EGFR: variants seen among roughly 807,000 people sequenced by gnomAD.
The protein encoded by EGFR is epidermal growth factor receptor, also known as avian erythroblastic leukemia viral (v-erb-b) oncogene homolog.
A neutral mutation model predicts 143.0 loss-of-function variants in EGFR; 58 were observed. That is an observed-to-expected ratio of 0.41 (90% CI 0.33 to 0.50). The LOEUF is 0.50. EGFR is among the 20% of genes least tolerant of loss of function. The probability of loss-of-function intolerance (pLI) is 0.39; values close to 1 mark genes in which losing one functional copy is unlikely to be tolerated. For synonymous variants in EGFR, 613 were observed against 594.4 expected (o/e 1.03, Z -0.45); for missense variants, 1,307 against 1,579.0 (o/e 0.83, Z 2.92).
At chr7:55,156,275 C>G (rs1469833103) in intron 8 of EGFR, among the ~76,000 whole-genome samples, 1 of 152,160 alleles carries the variant, frequency 6.6e-6, no homozygotes, top group Non-Finnish European at 1.5e-5. Flanking sequence ...ATGAGGAGAA[C>G]GCAAGGTCAG....
chr7:55,128,192 C>T (rs1346146848), intron 1 of EGFR, among the ~76,000 whole-genome samples: 2 of 152,214 alleles, frequency 1.3e-5, no homozygotes, highest in Admixed American at 6.5e-5. Context: ...TCCTAGACCA[C>T]CGAACGATGC....
chr7:55,203,693 A>G (rs1357648304), intron 27 of EGFR, among the ~76,000 whole-genome samples: 1 of 148,134 alleles, frequency 6.8e-6, no homozygotes, highest in African/African-American at 2.5e-5. Context: ...CACACCACAC[A>G]TACACGCACC....
chr7:55,125,368 A>G (rs1475087229), intron 1 of EGFR, among the ~76,000 whole-genome samples: 1 of 152,236 alleles, frequency 6.6e-6, no homozygotes, highest in Non-Finnish European at 1.5e-5. Flanking sequence ...AAATCATAGT[A>G]TTTGAAAGTT....
At chr7:55,131,939 GAAA>G (rs1272464184) in intron 1 of EGFR, among the ~76,000 whole-genome samples, 1 of 99,830 alleles carries the variant, frequency 1.0e-5, no homozygotes, top group Non-Finnish European at 2.1e-5. Flanking sequence ...TTTGCTTTCA[GAAA>G]AAAAAAAAAA....
chr7:55,095,092 C>T (rs970478142), intron 1 of EGFR, among the ~76,000 whole-genome samples: 49 of 152,146 alleles, frequency 3.2e-4, no homozygotes, highest in African/African-American at 1.1e-3. Context: ...GGTGGATTCT[C>T]CCTGACGCTA....
At chr7:55,061,560 T>C (rs947298778) in intron 1 of EGFR, among the ~76,000 whole-genome samples, 7 of 150,896 alleles carry the variant, frequency 4.6e-5, no homozygotes, top group Admixed American at 2.0e-4. Flanking sequence ...ATAAGCCACA[T>C]TTGCTGTGTG....
chr7:55,052,048 G>GA (rs2128874570), intron 1 of EGFR, among the ~76,000 whole-genome samples: 1 of 152,300 alleles, frequency 6.6e-6, no homozygotes, highest in East Asian at 1.9e-4. Context: ...CAGTTTGATT[G>GA]AAAAAATCCA....
chr7:55,113,410 C>G (rs1333774105), intron 1 of EGFR, among the ~76,000 whole-genome samples: 1 of 152,052 alleles, frequency 6.6e-6, no homozygotes. Flanking sequence ...TTTTTTTTCC[C>G]AGGTGAAATA....
At chr7:55,024,686 T>C (rs1786779790) in intron 1 of EGFR, among the ~76,000 whole-genome samples, 1 of 152,168 alleles carries the variant, frequency 6.6e-6, no homozygotes. Context: ...AACTTAGGCT[T>C]TTTTTTCTTT....
At chr7:55,187,698 C>T (rs1471881346) in intron 20 of EGFR, among the ~76,000 whole-genome samples, 1 of 152,222 alleles carries the variant, frequency 6.6e-6, no homozygotes, top group Non-Finnish European at 1.5e-5. Flanking sequence ...AGTCCAGAGA[C>T]AGGAGCGGAG....
intron 1 of EGFR, among the ~76,000 whole-genome samples, chr7:55,086,082 G>A (rs11977299): frequency 0.19 from 29,063 of 152,078 alleles, 3,188 homozygotes; most frequent in African/African-American, 0.28. Flanking sequence ...TATGTGCCAG[G>A]TCCCGTGCCG....
intron 12 of EGFR, 89 bp downstream of exon 12, chr7:55,160,427 A>C (rs544360902): frequency 1.5e-6 from 2 of 1,351,446 alleles, no homozygotes; most frequent in Non-Finnish European, 2.0e-6. Flanking sequence ...ATTCCCATTT[A>C]AATTACTTTT....
At chr7:55,168,987 A>G (rs1353699394) in intron 15 of EGFR, among the ~76,000 whole-genome samples, 1 of 152,190 alleles carries the variant, frequency 6.6e-6, no homozygotes, top group Non-Finnish European at 1.5e-5. Flanking sequence ...TGTGAACAGC[A>G]GCATCAGAGC....
chr7:55,137,412 T>C (rs745510408), intron 1 of EGFR, among the ~76,000 whole-genome samples: 8 of 152,192 alleles, frequency 5.3e-5, no homozygotes, highest in Non-Finnish European at 7.4e-5. Flanking sequence ...TAATAAGTAA[T>C]ATAGATTTGC....
intron 1 of EGFR, among the ~76,000 whole-genome samples, chr7:55,124,496 T>C (rs1046800470): frequency 1.3e-5 from 2 of 152,198 alleles, no homozygotes; most frequent in Admixed American, 1.3e-4. Context: ...TGAAAAACTA[T>C]AGAGGGCTTT....
At chr7:55,204,137 A>G (rs1787994301) in intron 27 of EGFR, among the ~76,000 whole-genome samples, 1 of 95,926 alleles carries the variant, frequency 1.0e-5, no homozygotes, top group Non-Finnish European at 2.6e-5. Flanking sequence ...CTCTTTACAC[A>G]CCAACTACAC....
chr7:55,206,200 A>AGGTACTGTATCAAGTCATGG lies in EGFR; in HGVS notation c.*583_*584insGGTACTGTATCAAGTCATGG. The AGGTACTGTATCAAGTCATGG allele has an allele frequency of 4.1e-6, 1 of 246,892 alleles. No homozygotes were observed. Among genetic ancestry groups the AGGTACTGTATCAAGTCATGG allele is most frequent in the Non-Finnish European group, 7.9e-6 (1 of 126,520 alleles). The allele number at this position is 246,892 out of a possible 1,614,324, so 15.3% of individuals were successfully genotyped here. A position where few individuals can be genotyped will look rare whatever the true frequency, so the allele number is the denominator to read the frequency against. On this transcript the variant is annotated 3_prime_UTR_variant, in exon 28 of 28. Transcript: ENST00000275493. ...GGTACTGTATCAAGTCATGGCAGGTACAGTAGGATAAGCCACTCTGTCCCT... is the reference window on the plus strand; with the variant it reads ...GGTACTGTATCAAGTCATGGCAGGTAGGTACTGTATCAAGTCATGGCAGTAGGATAAGCCACTCTGTCCCT...
intron 1 of EGFR, among the ~76,000 whole-genome samples, chr7:55,128,839 T>C (rs190813580): frequency 4.0e-4 from 61 of 152,314 alleles, no homozygotes; most frequent in Admixed American, 1.8e-3. Context: ...TCATCCAAAC[T>C]TGAGAGCAAT....
intron 1 of EGFR, among the ~76,000 whole-genome samples, chr7:55,114,141 G>C (rs1486240662): frequency 6.6e-6 from 1 of 152,152 alleles, no homozygotes; most frequent in Non-Finnish European, 1.5e-5. Context: ...TAAATAAAAG[G>C]CTCACAGAAT....
Sources: gnomAD v4.1 joint callset for allele counts (sites outside exome capture counted in the v4.1 genomes callset) on GRCh38, gnomAD v4.1.1 for gene constraint, MANE v1.5 for transcripts, NCBI Gene and HGNC (gene_info 2026-07-23, HGNC 2026-07-21) for gene names.